The following ARMH4 variants were observed in gnomAD, a reference collection of about 807,000 sequenced individuals.
ARMH4 encodes armadillo-like helical domain-containing protein 4.
ARMH4 carries 49 observed loss-of-function variants against 61.9 expected under a neutral mutation model. The observed-to-expected ratio is 0.79, with a 90% confidence interval of 0.63 to 1.00. The LOEUF (loss-of-function observed/expected upper bound fraction) is 1.00, where lower values mean the gene tolerates loss of function less well. Ranked by LOEUF, ARMH4 falls within the 50% of genes least tolerant of loss-of-function variation. ARMH4 has a pLI of 0.00. For missense variants in ARMH4, 934 were observed against 930.0 expected (o/e 1.00, Z -0.06); for synonymous variants, 368 against 341.5 (o/e 1.08, Z -0.85).
At chr14:58,110,305 GCA>G (rs1886312818) in intron 4 of ARMH4, among the ~76,000 whole-genome samples, 1 of 143,968 alleles carries the variant, frequency 6.9e-6, no homozygotes, top group African/African-American at 3.0e-5. Flanking sequence ...ACTAACATAT[GCA>G]TTACCTCACA....
rs534450794 is a variant in ARMH4, at chr14:58,024,105, G to C, written c.2090-11955C>G. Among the ~76,000 whole-genome samples the C allele has an allele frequency of 5.9e-5, 9 of 152,280 alleles. No individual in the cohort carries two copies. In the East Asian group the frequency reaches 1.2e-3, roughly 20 times the overall value. ...CAACTTAAAGTCACCAGTGGCATTAGCCCCTAACAAGAGAGTCAGCCTGTC... is the reference window on the plus strand; with the variant it reads ...CAACTTAAAGTCACCAGTGGCATTACCCCCTAACAAGAGAGTCAGCCTGTC... On this transcript the variant is annotated intron_variant, in intron 5 of 7. Coordinates refer to ENST00000267485, the MANE Select transcript of ARMH4 (RefSeq NM_001001872.4).
intron 1 of ARMH4, among the ~76,000 whole-genome samples, chr14:58,140,288 G>A (rs34969541): frequency 0.62 from 86,896 of 140,440 alleles, 26,631 homozygotes; most frequent in Middle Eastern, 0.77. Context: ...AAAAAAAAAA[G>A]AGAGACCCCA....
At chr14:58,080,526 T>C (rs889971607) in intron 5 of ARMH4, among the ~76,000 whole-genome samples, 1 of 152,136 alleles carries the variant, frequency 6.6e-6, no homozygotes, top group African/African-American at 2.4e-5. Context: ...TATTATAAAA[T>C]TCTAACTCCT....
intron 5 of ARMH4, among the ~76,000 whole-genome samples, chr14:58,022,638 A>G (rs911545530): frequency 2.0e-5 from 3 of 151,972 alleles, no homozygotes; most frequent in African/African-American, 7.3e-5. Flanking sequence ...CCATACTTCC[A>G]TACTTCCTGG....
At chr14:58,082,964 A>G (rs542736685) in intron 5 of ARMH4, among the ~76,000 whole-genome samples, 24 of 152,334 alleles carry the variant, frequency 1.6e-4, no homozygotes, top group African/African-American at 4.3e-4. Flanking sequence ...TTCTAGGCTG[A>G]TGAGTCCCAG....
At chr14:58,043,556 G>C (rs1883807686) in intron 5 of ARMH4, among the ~76,000 whole-genome samples, 1 of 152,192 alleles carries the variant, frequency 6.6e-6, no homozygotes, top group East Asian at 1.9e-4. Flanking sequence ...AGACAGGGAT[G>C]TCCTCTCTCA....
At chr14:58,102,805 G>A (rs1286746237) in intron 4 of ARMH4, among the ~76,000 whole-genome samples, 15 of 113,788 alleles carry the variant, frequency 1.3e-4, no homozygotes, top group Admixed American at 9.8e-4. Context: ...GCGACAGAGC[G>A]AGACTCCGTC....
intron 5 of ARMH4, among the ~76,000 whole-genome samples, chr14:58,050,422 A>G (rs564093317): frequency 7.6e-4 from 115 of 152,294 alleles, no homozygotes; most frequent in Non-Finnish European, 1.4e-3. Flanking sequence ...CTCTCTACCC[A>G]TTCGACCTGG....
At chr14:58,032,647 C>T (rs1430033825) in intron 5 of ARMH4, among the ~76,000 whole-genome samples, 6 of 151,674 alleles carry the variant, frequency 4.0e-5, no homozygotes, top group African/African-American at 7.2e-5. Context: ...GTACCGGGTT[C>T]ATCTCACTAG....
chr14:58,132,363 C>T (rs1378986557), intron 3 of ARMH4, among the ~76,000 whole-genome samples: 5 of 152,276 alleles, frequency 3.3e-5, no homozygotes, highest in African/African-American at 1.2e-4. Context: ...GGTGAACAAA[C>T]CAAAGCTTAC....
At chr14:58,086,134 T>G (rs878910391) in intron 5 of ARMH4, among the ~76,000 whole-genome samples, 1 of 152,204 alleles carries the variant, frequency 6.6e-6, no homozygotes, top group African/African-American at 2.4e-5. Context: ...ATTTGTAAAT[T>G]TTTAAATTGC....
intron 4 of ARMH4, among the ~76,000 whole-genome samples, chr14:58,098,352 C>T (rs1030925484): frequency 1.3e-5 from 2 of 152,150 alleles, no homozygotes; most frequent in Non-Finnish European, 2.9e-5. Context: ...CTAACGGGTG[C>T]CGTTGCAGAC....
intron 5 of ARMH4, among the ~76,000 whole-genome samples, chr14:58,027,526 C>T (rs1309549329): frequency 2.0e-5 from 3 of 148,950 alleles, no homozygotes; most frequent in African/African-American, 7.3e-5. Context: ...TAGGCTATCT[C>T]TGTTAAAATA....
intron 5 of ARMH4, among the ~76,000 whole-genome samples, chr14:58,056,514 G>A (rs1169067660): frequency 6.6e-6 from 1 of 152,216 alleles, no homozygotes; most frequent in Admixed American, 6.5e-5. Context: ...TTTAGGAGGA[G>A]AAAGGGAACC....
chr14:58,004,793 G>A lies in ARMH4; in HGVS notation c.2268C>T (p.Phe756=), dbSNP rs767927332. 1.1e-5 allele frequency: 17 copies of A among 1,610,668 alleles called. No homozygotes were observed. Among genetic ancestry groups the A allele is most frequent in the Non-Finnish European group, 1.4e-5 (16 of 1,177,340 alleles). ...FKRHKRKQRE[F]NSMQDRVMLL... ...GCATTACTCGATCTTGCATGCTGTT[G>A]AATTCTCTCTGCTAGAGAAAGAAAA... The change falls in exon 8 of 8, where the codon TTC becomes TTT. Residue 756 remains phenylalanine (F), a synonymous_variant. Transcript: ENST00000267485.
intron 1 of ARMH4, among the ~76,000 whole-genome samples, chr14:58,149,629 ACCCC>A (rs891623299): frequency 1.5e-4 from 23 of 152,198 alleles, no homozygotes; most frequent in African/African-American, 4.8e-4. Flanking sequence ...CGTGCTTATC[ACCCC>A]TAGCATATCA....
chr14:58,042,008 C>A (rs1309052388), intron 5 of ARMH4, among the ~76,000 whole-genome samples: 1 of 151,998 alleles, frequency 6.6e-6, no homozygotes, highest in Non-Finnish European at 1.5e-5. Flanking sequence ...GAGACTTTAA[C>A]ACCCCACTGT....
chr14:58,059,709 A>G (rs1040564382), intron 5 of ARMH4, among the ~76,000 whole-genome samples: 4 of 152,264 alleles, frequency 2.6e-5, no homozygotes, highest in African/African-American at 9.6e-5. Flanking sequence ...GCATTTATGG[A>G]GAATTAATGA....
intron 4 of ARMH4, among the ~76,000 whole-genome samples, chr14:58,117,951 G>T (rs1350414298): frequency 1.3e-5 from 2 of 151,736 alleles, no homozygotes; most frequent in Non-Finnish European, 2.9e-5. Context: ...ATTTATACAG[G>T]TGGAGTCTCA....
Sources: allele counts gnomAD v4.1 joint callset (sites outside exome capture counted in the v4.1 genomes callset), GRCh38; gene constraint gnomAD v4.1.1; transcripts MANE v1.5; gene names NCBI Gene and HGNC (gene_info 2026-07-23, HGNC 2026-07-21).